Variants in FBXO34 observed in about 807,000 individuals in gnomAD.
The protein encoded by FBXO34 is F-box only protein 34.
FBXO34 carries 12 observed loss-of-function variants against 24.5 expected under a neutral mutation model. That is an observed-to-expected ratio of 0.49 (90% CI 0.31 to 0.79). The LOEUF (loss-of-function observed/expected upper bound fraction) is 0.79. Ranked by LOEUF, FBXO34 falls within the 30% of genes least tolerant of loss-of-function variation. The pLI is 0.04. For missense variants in FBXO34, 823 were observed against 857.7 expected, an observed-to-expected ratio of 0.96 and a Z score of 0.51; for synonymous variants, 320 against 311.9, an observed-to-expected ratio of 1.03 and a Z score of -0.27.
chr14:55,429,824 CA>C, the FBXO34 span, among the ~76,000 whole-genome samples: 14 of 129,640 alleles, frequency 1.1e-4, no homozygotes, highest in Non-Finnish European at 1.2e-4. Flanking sequence ...CACATGCATA[CA>C]AAAAAAAATC....
chr14:55,313,128 A>G (rs1011235374), intron 1 of FBXO34, among the ~76,000 whole-genome samples: 2 of 152,098 alleles, frequency 1.3e-5, no homozygotes, highest in Non-Finnish European at 2.9e-5. Flanking sequence ...GTCACCTCCT[A>G]AGCTTTGCGG....
chr14:55,398,104 T>C, the FBXO34 span, among the ~76,000 whole-genome samples: 13 of 151,976 alleles, frequency 8.6e-5, no homozygotes, highest in South Asian at 2.1e-4. Flanking sequence ...CCTGCCACCA[T>C]GCCCAGCTAA....
chr14:55,397,937 G>A, the FBXO34 span, among the ~76,000 whole-genome samples: 1 of 143,348 alleles, frequency 7.0e-6, no homozygotes, highest in Non-Finnish European at 1.5e-5. Flanking sequence ...TCACATTGCA[G>A]TAATTCTTTT....
At chr14:55,381,952 T>C in the FBXO34 span, 5 of 1,605,642 alleles carry the variant, frequency 3.1e-6, no homozygotes, top group Admixed American at 8.3e-5. Flanking sequence ...AAGGATATGC[T>C]GCTTCTCACC....
chr14:55,310,869 T>G (rs115494212), intron 1 of FBXO34, among the ~76,000 whole-genome samples: 1,834 of 152,278 alleles, frequency 0.012, 44 homozygotes, highest in African/African-American at 0.041. Context: ...GATAGCGTTT[T>G]CTTATCTGAA....
chr14:55,297,444 A>G (rs1882177516), intron 1 of FBXO34, among the ~76,000 whole-genome samples: 1 of 152,214 alleles, frequency 6.6e-6, no homozygotes, highest in African/African-American at 2.4e-5. Context: ...TTAGACAATA[A>G]TATTACCCAC....
chr14:55,442,154 T>G, the FBXO34 span, among the ~76,000 whole-genome samples: 1 of 150,872 alleles, frequency 6.6e-6, no homozygotes, highest in Non-Finnish European at 1.5e-5. Context: ...TTTGGGAGGC[T>G]GAGGCAGGTG....
intron 1 of FBXO34, chr14:55,299,019 C>G: frequency 6.2e-7 from 1 of 1,608,494 alleles, no homozygotes; most frequent in South Asian, 1.1e-5. Context: ...CATTGCTGAC[C>G]AGCAAGAACT....
At chr14:55,380,928 T>C in the FBXO34 span, among the ~76,000 whole-genome samples, 3 of 145,794 alleles carry the variant, frequency 2.1e-5, no homozygotes, top group South Asian at 2.2e-4. Flanking sequence ...TGGGCCTAAA[T>C]AGACCCAACA....
chr14:55,314,630 A>G (rs1332709163), intron 1 of FBXO34, among the ~76,000 whole-genome samples: 1 of 152,256 alleles, frequency 6.6e-6, no homozygotes, highest in Non-Finnish European at 1.5e-5. Flanking sequence ...GATAGATGAT[A>G]ATATTAAATT....
chr14:55,308,800 T>G (rs1325339857), intron 1 of FBXO34, among the ~76,000 whole-genome samples: 4 of 152,208 alleles, frequency 2.6e-5, no homozygotes, highest in Non-Finnish European at 5.9e-5. Flanking sequence ...TGAGAATGAT[T>G]ATGGTTTAAA....
At chr14:55,296,130 C>T (rs2139691017) in intron 1 of FBXO34, among the ~76,000 whole-genome samples, 1 of 152,102 alleles carries the variant, frequency 6.6e-6, no homozygotes, top group South Asian at 2.1e-4. Context: ...TAAAGTTAAC[C>T]AATGCTAATT....
At chr14:55,300,338 A>G (rs1194604516) in intron 1 of FBXO34, among the ~76,000 whole-genome samples, 2 of 152,168 alleles carry the variant, frequency 1.3e-5, no homozygotes, top group Non-Finnish European at 2.9e-5. Flanking sequence ...CACGCCTGCA[A>G]TCCCAGCACT....
chr14:55,385,348 A>G, the FBXO34 span, among the ~76,000 whole-genome samples: 1 of 152,082 alleles, frequency 6.6e-6, no homozygotes, highest in Non-Finnish European at 1.5e-5. Context: ...GCTGGAGTGC[A>G]GTGACACAAT....
At chr14:55,429,475 G>C in the FBXO34 span, among the ~76,000 whole-genome samples, 1 of 152,164 alleles carries the variant, frequency 6.6e-6, no homozygotes, top group Non-Finnish European at 1.5e-5. Context: ...ATTTAGAAGA[G>C]AACAATGGCT....
intron 1 of FBXO34, among the ~76,000 whole-genome samples, chr14:55,316,464 C>A (rs1882930509): frequency 6.6e-6 from 1 of 151,194 alleles, no homozygotes; most frequent in Non-Finnish European, 1.5e-5. Context: ...TAGTGGTTCA[C>A]ACCTGTAATC....
intron 1 of FBXO34, among the ~76,000 whole-genome samples, chr14:55,317,869 C>T (rs72715789): frequency 0.011 from 1,703 of 152,218 alleles, 14 homozygotes; most frequent in Middle Eastern, 0.027. Context: ...CTGTTTTAAC[C>T]CTCTGCAAAG....
At chr14:55,379,019 C>T in the FBXO34 span, among the ~76,000 whole-genome samples, 1 of 152,002 alleles carries the variant, frequency 6.6e-6, no homozygotes, top group Non-Finnish European at 1.5e-5. Context: ...GCCCTCTCAT[C>T]CTGTTTTAAC....
chr14:55,370,178 C>T (rs982932224), downstream of FBXO34, among the ~76,000 whole-genome samples: 3 of 152,150 alleles, frequency 2.0e-5, no homozygotes, highest in East Asian at 1.9e-4. Context: ...TGGTGATGAC[C>T]GTGCATAGGA....
Sources: allele counts gnomAD v4.1 joint callset (sites outside exome capture counted in the v4.1 genomes callset), GRCh38; gene constraint gnomAD v4.1.1; transcripts MANE v1.5; gene names NCBI Gene and HGNC (gene_info 2026-07-23, HGNC 2026-07-21).